Variants in LARGE1 observed in about 807,000 individuals in gnomAD.
LARGE1 encodes the protein xylosyl- and glucuronyltransferase LARGE1.
In LARGE1, 43 loss-of-function variants were observed where a neutral mutation model predicts 87.6. That is an observed-to-expected ratio of 0.49 (90% confidence interval 0.38 to 0.63). The LOEUF is 0.63. LARGE1 is among the 30% of genes least tolerant of loss of function. LARGE1 has a pLI of 0.00. For missense variants in LARGE1, 802 were observed against 1,000.2 expected, an observed-to-expected ratio of 0.80 and a Z score of 2.67; for synonymous variants, 434 against 394.6, an observed-to-expected ratio of 1.10 and a Z score of -1.18.
the LARGE1 span, among the ~76,000 whole-genome samples, chr22:33,110,070 G>C: frequency 1.3e-5 from 2 of 152,162 alleles, no homozygotes; most frequent in African/African-American, 4.8e-5. Flanking sequence ...ATCAAATTTT[G>C]TCATTTCACA....
intron 1 of LARGE1, among the ~76,000 whole-genome samples, chr22:33,801,933 A>G (rs1027725244): frequency 6.6e-6 from 1 of 151,962 alleles, no homozygotes; most frequent in Non-Finnish European, 1.5e-5. Flanking sequence ...TGACACCCCT[A>G]GTGTTTGCTG....
intron 11 of LARGE1, among the ~76,000 whole-genome samples, chr22:33,211,763 A>G (rs1924975611): frequency 1.3e-5 from 2 of 152,120 alleles, no homozygotes; most frequent in African/African-American, 4.8e-5. Context: ...ACAGAGTGAG[A>G]CTCTGTCTCA....
At chr22:33,090,980 C>T in the LARGE1 span, among the ~76,000 whole-genome samples, 6 of 152,162 alleles carry the variant, frequency 3.9e-5, no homozygotes, top group Non-Finnish European at 5.9e-5. Flanking sequence ...TGACATCTGT[C>T]GGCCTGTCAT....
chr22:33,141,865 C>A, the LARGE1 span, among the ~76,000 whole-genome samples: 3 of 152,160 alleles, frequency 2.0e-5, no homozygotes, highest in African/African-American at 4.8e-5. Context: ...CTTTTACTCC[C>A]TGCAAAAGGG....
intron 3 of LARGE1, among the ~76,000 whole-genome samples, chr22:33,629,204 T>C (rs539691495): frequency 2.0e-5 from 3 of 152,052 alleles, no homozygotes; most frequent in Non-Finnish European, 4.4e-5. Flanking sequence ...ATTTCAATCA[T>C]GAGGGAAATG....
At position 33,803,059 on chromosome 22, in the gene LARGE1, G is replaced by A. The variant is rs1234391551; in HGVS notation, c.-82-41501C>T. On this transcript the variant is annotated intron_variant, in intron 1 of 14. Transcript: ENST00000397394. The stretch of plus-strand genomic sequence containing the variant: ...GCTAAAAGATGACGACGGATACCAA[G>A]GAAGATCAAAATATTCTTTCTCAAC... Among the ~76,000 whole-genome samples, 5 of 152,118 alleles carry A rather than the reference G, an allele frequency of 3.3e-5. No individual in the cohort carries two copies. The East Asian group carries it at 7.7e-4, about 23-fold the overall frequency.
intron 11 of LARGE1, among the ~76,000 whole-genome samples, chr22:33,308,204 G>A (rs1298305241): frequency 4.6e-5 from 7 of 152,200 alleles, no homozygotes; most frequent in African/African-American, 1.7e-4. Flanking sequence ...GAAGACCAGG[G>A]CTGGAAGGAA....
At chr22:33,663,136 A>G (rs2081177845) in intron 2 of LARGE1, among the ~76,000 whole-genome samples, 1 of 152,224 alleles carries the variant, frequency 6.6e-6, no homozygotes, top group South Asian at 2.1e-4. Context: ...ATGAGGTTTT[A>G]TCGAAACCGA....
intron 11 of LARGE1, among the ~76,000 whole-genome samples, chr22:33,259,342 A>AC (rs1279982337): frequency 2.8e-5 from 4 of 142,944 alleles, no homozygotes; most frequent in African/African-American, 9.1e-5. Context: ...ACACACACAC[A>AC]CACACAAACA....
intron 1 of LARGE1, among the ~76,000 whole-genome samples, chr22:33,844,868 G>A (rs1015439825): frequency 1.3e-5 from 2 of 151,728 alleles, no homozygotes; most frequent in African/African-American, 2.4e-5. Context: ...TTACAGGCAC[G>A]CACCACCATG....
chr22:33,881,064 T>G (rs2064666893), intron 1 of LARGE1, among the ~76,000 whole-genome samples: 1 of 152,140 alleles, frequency 6.6e-6, no homozygotes, highest in African/African-American at 2.4e-5. Flanking sequence ...TAATTTTTTT[T>G]TTTTACTTTC....
At chr22:33,281,440 C>CT (rs2145874464) in intron 13 of LARGE1, among the ~76,000 whole-genome samples, 1 of 152,162 alleles carries the variant, frequency 6.6e-6, no homozygotes, top group Admixed American at 6.5e-5. Flanking sequence ...GGCATTCTGA[C>CT]TGAGAACACA....
chr22:33,522,513 A>G (rs756968348), intron 6 of LARGE1, among the ~76,000 whole-genome samples: 5 of 152,132 alleles, frequency 3.3e-5, no homozygotes, highest in Non-Finnish European at 7.3e-5. Context: ...AGCCTGGGCA[A>G]CATAGGGAGA....
At chr22:33,747,405 A>T (rs181030569) in intron 2 of LARGE1, among the ~76,000 whole-genome samples, 2 of 151,884 alleles carry the variant, frequency 1.3e-5, no homozygotes, top group Admixed American at 1.3e-4. Flanking sequence ...GCATCCTACA[A>T]AAGCACCAAG....
intron 6 of LARGE1, among the ~76,000 whole-genome samples, chr22:33,545,659 G>A (rs746463243): frequency 7.2e-5 from 11 of 152,254 alleles, no homozygotes; most frequent in Admixed American, 2.6e-4. Flanking sequence ...GGCTGGTCTC[G>A]AACTTCTTAC....
chr22:33,242,036 G>A (rs1314214969), intron 11 of LARGE1, among the ~76,000 whole-genome samples: 1 of 152,084 alleles, frequency 6.6e-6, no homozygotes, highest in Admixed American at 6.5e-5. Context: ...AGTATGTGAG[G>A]TAGTGAATAT....
chr22:33,244,414 G>A (rs1365323891), intron 11 of LARGE1, among the ~76,000 whole-genome samples: 1 of 152,124 alleles, frequency 6.6e-6, no homozygotes, highest in African/African-American at 2.4e-5. Flanking sequence ...TCTCAAAAAG[G>A]CTAAGCAACT....
At chr22:33,768,459 C>G (rs915052294) in intron 1 of LARGE1, among the ~76,000 whole-genome samples, 2 of 152,002 alleles carry the variant, frequency 1.3e-5, no homozygotes, top group African/African-American at 4.8e-5. Context: ...CACACACACA[C>G]ACACACAGTC....
intron 2 of LARGE1, among the ~76,000 whole-genome samples, chr22:33,665,759 G>T (rs1025036860): frequency 6.6e-6 from 1 of 152,126 alleles, no homozygotes; most frequent in Non-Finnish European, 1.5e-5. Context: ...GGGCATGGTG[G>T]TGGGCGCCTG....
Sources: allele counts gnomAD v4.1 joint callset (sites outside exome capture counted in the v4.1 genomes callset), GRCh38; gene constraint gnomAD v4.1.1; transcripts MANE v1.5; gene names NCBI Gene and HGNC (gene_info 2026-07-23, HGNC 2026-07-21).